Variants in C1orf21 observed in about 807,000 individuals in gnomAD.
C1orf21 encodes uncharacterized protein C1orf21.
A neutral mutation model predicts 18.7 loss-of-function variants in C1orf21; 3 were observed. That is an observed-to-expected ratio of 0.16 (90% CI 0.07 to 0.42). The LOEUF is 0.42. C1orf21 is among the 10% of genes least tolerant of loss of function. C1orf21 has a pLI of 0.99. For synonymous variants in C1orf21, 41 were observed against 46.4 expected, an observed-to-expected ratio of 0.88 and a Z score of 0.47; for missense variants, 104 against 143.6, an observed-to-expected ratio of 0.72 and a Z score of 1.41.
At chr1:184,528,229 T>C (rs1658406511) in intron 3 of C1orf21, among the ~76,000 whole-genome samples, 1 of 152,320 alleles carries the variant, frequency 6.6e-6, no homozygotes, top group Admixed American at 6.5e-5. Context: ...CAGTATTCAA[T>C]CTCTGTCTCA....
At chr1:184,606,139 C>CT (rs1388424475) in intron 5 of C1orf21, among the ~76,000 whole-genome samples, 1 of 152,220 alleles carries the variant, frequency 6.6e-6, no homozygotes, top group African/African-American at 2.4e-5. Flanking sequence ...CCTGTGCTAA[C>CT]TTTCGAGCTG....
In C1orf21 at chr1:184,398,623, C is replaced by A. The variant is rs61823502; in HGVS notation, c.-125+11255C>A. 5.3e-3 allele frequency among the ~76,000 whole-genome samples: 806 copies of A among 152,276 alleles called. 5 individuals carry two copies. The highest frequency in any genetic ancestry group is 7.6e-3 in the Non-Finnish European group (516 of 68,024). On this transcript the variant is annotated intron_variant, in intron 1 of 5. Transcript: ENST00000235307. ...GCATACATCATAGAGTGTACTTACA[C>A]AAACCTAGATGGTATAGCTTGCTGC...
At chr1:184,517,114 A>G (rs1658241420) in intron 3 of C1orf21, among the ~76,000 whole-genome samples, 2 of 150,676 alleles carry the variant, frequency 1.3e-5, no homozygotes, top group South Asian at 2.1e-4. Context: ...AGAGCTCAAG[A>G]TCACGGTCGT....
intron 3 of C1orf21, among the ~76,000 whole-genome samples, chr1:184,579,876 C>T (rs1414565384): frequency 6.6e-6 from 1 of 152,058 alleles, no homozygotes; most frequent in Non-Finnish European, 1.5e-5. Context: ...AACAAAAAGT[C>T]AGAAGGAGCC....
intron 3 of C1orf21, among the ~76,000 whole-genome samples, chr1:184,584,341 G>T (rs1659324899): frequency 6.6e-6 from 1 of 151,996 alleles, no homozygotes; most frequent in African/African-American, 2.4e-5. Flanking sequence ...AAAAAATCAT[G>T]TTTTCAAGTA....
Position 184,451,462 on chromosome 1 carries a change from A to ATTTTTT in C1orf21, c.-124-25906_-124-25901dup, listed in dbSNP as rs374550435. On this transcript the variant is annotated intron_variant, in intron 1 of 5. Coordinates refer to ENST00000235307, the MANE Select transcript of C1orf21 (RefSeq NM_030806.4). ...TACACCATCATGCCTGGCTAATTTA[A>ATTTTTT]TTTTTTTTTTTTTTTTTTTTTTTGG... Among the ~76,000 whole-genome samples, 34 of 77,762 alleles carry ATTTTTT rather than the reference A, an allele frequency of 4.4e-4. 1 individual carries two copies. The highest frequency in any genetic ancestry group is 3.0e-3 in the East Asian group (8 of 2,666). 51.0% of individuals were successfully genotyped at this position (77,762 alleles called of 152,430 possible).
intron 3 of C1orf21, among the ~76,000 whole-genome samples, chr1:184,523,179 A>G (rs1658328967): frequency 6.6e-6 from 1 of 152,184 alleles, no homozygotes; most frequent in Non-Finnish European, 1.5e-5. Context: ...ATTGCGCATA[A>G]TGACTTCGTT....
At position 184,621,224 on chromosome 1, in the gene C1orf21, A is replaced by C. The variant is rs531854584; in HGVS notation, c.*1668A>C. The C allele has an allele frequency of 1.3e-5, 2 of 152,650 alleles. No individual in the cohort carries two copies. The highest frequency in any genetic ancestry group is 4.1e-4 in the South Asian group (2 of 4,828). The allele number at this position is 152,650 out of a possible 1,614,324, so 9.5% of individuals were successfully genotyped here. A position where few individuals can be genotyped will look rare whatever the true frequency, so the allele number is the denominator to read the frequency against. On this transcript the variant is annotated 3_prime_UTR_variant, in exon 6 of 6. Coordinates refer to ENST00000235307, the MANE Select transcript of C1orf21 (RefSeq NM_030806.4). ...TTTAGACCTGGGACGGCAAAAGGGAAGGGAAGGAAACTTAGCAGAGTGCTA... is the reference window on the plus strand; with the variant it reads ...TTTAGACCTGGGACGGCAAAAGGGACGGGAAGGAAACTTAGCAGAGTGCTA...
chr1:184,424,323 T>A (rs1386028446), intron 1 of C1orf21, among the ~76,000 whole-genome samples: 1 of 152,192 alleles, frequency 6.6e-6, no homozygotes, highest in Non-Finnish European at 1.5e-5. Context: ...ATCTCAGCCC[T>A]CATCACTTTA....
At chr1:184,442,495 C>A (rs1351292912) in intron 1 of C1orf21, among the ~76,000 whole-genome samples, 1 of 152,170 alleles carries the variant, frequency 6.6e-6, no homozygotes, top group East Asian at 1.9e-4. Flanking sequence ...CAAACCCCTC[C>A]CTTTGGTTGG....
At chr1:184,457,864 G>T (rs1243883200) in intron 1 of C1orf21, among the ~76,000 whole-genome samples, 2 of 152,160 alleles carry the variant, frequency 1.3e-5, no homozygotes, top group African/African-American at 4.8e-5. Flanking sequence ...AAAGGCATGT[G>T]TACTTCCTGA....
intron 1 of C1orf21, among the ~76,000 whole-genome samples, chr1:184,422,397 C>A (rs975368483): frequency 6.6e-6 from 1 of 152,140 alleles, no homozygotes; most frequent in Admixed American, 6.5e-5. Flanking sequence ...ATTCTTAGCA[C>A]CTTGCATAGG....
intron 4 of C1orf21, among the ~76,000 whole-genome samples, chr1:184,593,248 C>G (rs1289678958): frequency 6.6e-6 from 1 of 151,456 alleles, no homozygotes; most frequent in Non-Finnish European, 1.5e-5. Context: ...GGAGAAAATT[C>G]TGTTTTCCCC....
chr1:184,560,446 A>G (rs1466265618), intron 3 of C1orf21, among the ~76,000 whole-genome samples: 1 of 152,238 alleles, frequency 6.6e-6, no homozygotes, highest in East Asian at 1.9e-4. Context: ...AGTAATTTCA[A>G]TGACAGCAAA....
At chr1:184,557,407 C>G (rs796535412) in intron 3 of C1orf21, among the ~76,000 whole-genome samples, 20 of 152,292 alleles carry the variant, frequency 1.3e-4, no homozygotes, top group African/African-American at 4.8e-4. Flanking sequence ...CCCACTCCCA[C>G]CCTTTCCTCT....
intron 2 of C1orf21, among the ~76,000 whole-genome samples, chr1:184,482,158 G>A (rs1657668080): frequency 6.6e-6 from 1 of 152,176 alleles, no homozygotes; most frequent in Non-Finnish European, 1.5e-5. Context: ...GAGTTCATCT[G>A]TTGTTCTCTC....
chr1:184,414,697 T>C (rs942631170), intron 1 of C1orf21, among the ~76,000 whole-genome samples: 2 of 152,232 alleles, frequency 1.3e-5, no homozygotes. Context: ...CCATGGTCTA[T>C]TTTTATTTTC....
chr1:184,465,850 C>G (rs1657386303), intron 1 of C1orf21, among the ~76,000 whole-genome samples: 1 of 152,150 alleles, frequency 6.6e-6, no homozygotes, highest in African/African-American at 2.4e-5. Flanking sequence ...ATAAAAACTT[C>G]AAATTTTAAT....
intron 2 of C1orf21, among the ~76,000 whole-genome samples, chr1:184,496,972 G>T (rs1480523856): frequency 1.3e-5 from 2 of 152,146 alleles, no homozygotes; most frequent in African/African-American, 4.8e-5. Flanking sequence ...CAAATAGATG[G>T]AGGGTGAGGG....
Sources: allele counts gnomAD v4.1 joint callset (sites outside exome capture counted in the v4.1 genomes callset), GRCh38; gene constraint gnomAD v4.1.1; transcripts MANE v1.5; gene names NCBI Gene and HGNC (gene_info 2026-07-23, HGNC 2026-07-21).